FAM163B: variants seen among roughly 807,000 people sequenced by gnomAD.
The protein encoded by FAM163B is protein FAM163B.
In FAM163B, 4 loss-of-function variants were observed where a neutral mutation model predicts 7.6. The observed-to-expected ratio is 0.52, with a 90% CI of 0.26 to 1.20. The LOEUF is 1.20. Ranked by LOEUF, FAM163B falls within the 50% of genes most tolerant of loss-of-function variation. FAM163B has a pLI of 0.14. For missense variants in FAM163B, 250 were observed against 243.0 expected (o/e 1.03, Z -0.19); for synonymous variants, 120 against 111.6 (o/e 1.07, Z -0.47).
chr9:133,585,449 C>G (rs958080165), intron 1 of FAM163B, among the ~76,000 whole-genome samples: 3 of 152,376 alleles, frequency 2.0e-5, no homozygotes, highest in African/African-American at 7.2e-5. Context: ...CCCTCCAGAG[C>G]TTATTTATTT....
chr9:133,601,294 C>G lies in FAM163B; in HGVS notation c.-24+7783G>C, dbSNP rs1398808307. 6.6e-6 allele frequency among the ~76,000 whole-genome samples: 1 copy of G among 152,206 alleles called. No individual in the cohort carries two copies. Among genetic ancestry groups the G allele is most frequent in the Non-Finnish European group, 1.5e-5 (1 of 68,036 alleles). On this transcript the variant is annotated intron_variant, in intron 1 of 2. Coordinates refer to ENST00000673969, the MANE Select transcript of FAM163B (RefSeq NM_001080515.3). This position sits in a 1 kb window ranked among gnomAD's most constrained non-coding sequence, Gnocchi z 4.1. The stretch of plus-strand genomic sequence containing the variant: ...AGGTAACTCTGCTGCCCTGAGCAGT[C>G]TTTGACCAAGGCTTCAGCAAAGACC...
chr9:133,595,665 C>T (rs1401906919), intron 1 of FAM163B, among the ~76,000 whole-genome samples: 3 of 152,140 alleles, frequency 2.0e-5, no homozygotes, highest in Non-Finnish European at 4.4e-5. Flanking sequence ...CATGTCCACC[C>T]GTTCCCATTC....
At chr9:133,585,116 C>A (rs1327347121) in intron 1 of FAM163B, among the ~76,000 whole-genome samples, 2 of 152,266 alleles carry the variant, frequency 1.3e-5, no homozygotes, top group African/African-American at 2.4e-5. Flanking sequence ...CAGTCCCCTT[C>A]TGAGGGCCCC....
chr9:133,582,931 G>A (rs1201435288), intron 1 of FAM163B, among the ~76,000 whole-genome samples: 2 of 152,230 alleles, frequency 1.3e-5, no homozygotes, highest in East Asian at 1.9e-4. Context: ...ACAGCTGCCG[G>A]AGAGATTGCT....
intron 1 of FAM163B, among the ~76,000 whole-genome samples, chr9:133,582,612 C>G (rs1338781844): frequency 6.6e-6 from 1 of 152,220 alleles, no homozygotes; most frequent in East Asian, 1.9e-4. Context: ...GGGTGCTGGC[C>G]CAGCCATGGC....
At chr9:133,595,606 C>G (rs1299973693) in intron 1 of FAM163B, among the ~76,000 whole-genome samples, 1 of 152,180 alleles carries the variant, frequency 6.6e-6, no homozygotes, top group East Asian at 1.9e-4. Flanking sequence ...CTCCTGACCT[C>G]TAAGTGTGAA....
At chr9:133,603,391 G>A (rs1235805968) in intron 1 of FAM163B, among the ~76,000 whole-genome samples, 4 of 152,216 alleles carry the variant, frequency 2.6e-5, no homozygotes, top group African/African-American at 9.7e-5. Flanking sequence ...AGGAACCGCA[G>A]AGGGTCTGCA....
intron 1 of FAM163B, among the ~76,000 whole-genome samples, chr9:133,603,934 G>C (rs1455552395): frequency 2.0e-5 from 3 of 152,194 alleles, no homozygotes; most frequent in African/African-American, 7.2e-5. Flanking sequence ...CCGCCTTCCA[G>C]GTTCAAGCAA....
At chr9:133,583,867 C>T (rs1389640788) in intron 1 of FAM163B, among the ~76,000 whole-genome samples, 8 of 152,240 alleles carry the variant, frequency 5.3e-5, no homozygotes, top group Non-Finnish European at 8.8e-5. Context: ...CCCGAGACGG[C>T]GCCAGGTCCC....
intron 1 of FAM163B, among the ~76,000 whole-genome samples, chr9:133,582,507 A>G (rs1831371455): frequency 6.6e-6 from 1 of 152,172 alleles, no homozygotes; most frequent in African/African-American, 2.4e-5. Flanking sequence ...CTGCCACCCT[A>G]CCCCGACTGC....
intron 1 of FAM163B, among the ~76,000 whole-genome samples, chr9:133,591,842 G>T (rs1230521020): frequency 1.3e-5 from 2 of 152,126 alleles, no homozygotes; most frequent in African/African-American, 4.8e-5. Context: ...TGTGGCCTCT[G>T]CCTCAGGACG....
chr9:133,608,804 G>A (rs1831819526), intron 1 of FAM163B, among the ~76,000 whole-genome samples: 1 of 152,222 alleles, frequency 6.6e-6, no homozygotes, highest in Non-Finnish European at 1.5e-5. Context: ...CCAGGCCACT[G>A]TTCCGAGGGA....
intron 1 of FAM163B, among the ~76,000 whole-genome samples, chr9:133,592,025 G>A (rs573284151): frequency 2.0e-5 from 3 of 152,200 alleles, no homozygotes; most frequent in Admixed American, 1.3e-4. Context: ...TAGTGCTCGC[G>A]GCCTGGCCCA....
At chr9:133,603,862 C>T (rs1265536566) in intron 1 of FAM163B, among the ~76,000 whole-genome samples, 1 of 152,152 alleles carries the variant, frequency 6.6e-6, no homozygotes, top group Non-Finnish European at 1.5e-5. Flanking sequence ...GGGGAGGGGG[C>T]AGAGTCTCAC....
intron 1 of FAM163B, among the ~76,000 whole-genome samples, chr9:133,589,623 AGC>A (rs34872367): frequency 0.52 from 77,641 of 148,140 alleles, 20,824 homozygotes; most frequent in South Asian, 0.63. Flanking sequence ...GGGGCGACAC[AGC>A]GCGCACACAC....
intron 1 of FAM163B, 100 bp from the exon 2 acceptor site, chr9:133,580,346 A>C: frequency 1.1e-6 from 1 of 934,930 alleles, no homozygotes; most frequent in East Asian, 2.6e-5. Flanking sequence ...AGGGGAAAAA[A>C]GCACCCCAGG....
intron 1 of FAM163B, among the ~76,000 whole-genome samples, chr9:133,584,862 C>T (rs1020387908): frequency 1.3e-5 from 2 of 152,242 alleles, no homozygotes; most frequent in South Asian, 2.1e-4. Flanking sequence ...GCTTGTGACT[C>T]GAGCCCCACC....
At chr9:133,593,234 C>A (rs1831581567) in intron 1 of FAM163B, among the ~76,000 whole-genome samples, 6 of 152,236 alleles carry the variant, frequency 3.9e-5, no homozygotes, top group Admixed American at 2.6e-4. Context: ...AGGAGGCAGA[C>A]TCTCCCATGT....
At chr9:133,592,115 C>G (rs1467319788) in intron 1 of FAM163B, among the ~76,000 whole-genome samples, 7 of 152,164 alleles carry the variant, frequency 4.6e-5, no homozygotes, top group Non-Finnish European at 8.8e-5. Flanking sequence ...ACCTCGTGTC[C>G]AGCTCCACGA....
Sources: gnomAD v4.1 joint callset for allele counts (sites outside exome capture counted in the v4.1 genomes callset) on GRCh38, gnomAD v4.1.1 for gene constraint, Gnocchi (gnomAD v3.1) non-coding constraint, MANE v1.5 for transcripts, NCBI Gene and HGNC (gene_info 2026-07-23, HGNC 2026-07-21) for gene names.